The following LAMA1 variants were observed in gnomAD, a reference collection of about 807,000 sequenced individuals.
LAMA1 encodes the protein laminin subunit alpha 1.
LAMA1 carries 219 observed loss-of-function variants against 348.7 expected under a neutral mutation model. That is an observed-to-expected ratio of 0.63 (90% confidence interval 0.56 to 0.70). The LOEUF (loss-of-function observed/expected upper bound fraction) is 0.70. Among genes scored for constraint, LAMA1 ranks in the 30% least tolerant of loss-of-function variants. LAMA1 has a pLI of 0.00. For synonymous variants in LAMA1, 1,487 were observed against 1,491.0 expected (o/e 1.00, Z 0.06); for missense variants, 3,744 against 3,888.0 (o/e 0.96, Z 0.99).
At chr18:7,103,249 C>CA (rs2058298405) in intron 1 of LAMA1, among the ~76,000 whole-genome samples, 1 of 151,770 alleles carries the variant, frequency 6.6e-6, no homozygotes, top group Non-Finnish European at 1.5e-5. Flanking sequence ...ACTAAAAATA[C>CA]AAAAAATTAG....
At chr18:7,072,356 T>C (rs938262053) in intron 3 of LAMA1, among the ~76,000 whole-genome samples, 2 of 152,214 alleles carry the variant, frequency 1.3e-5, no homozygotes, top group Non-Finnish European at 2.9e-5. Context: ...CTCTACATCC[T>C]TCAAGCTATC....
intron 32 of LAMA1, 47 bp downstream of exon 32, chr18:6,999,398 T>C: frequency 6.3e-7 from 1 of 1,593,826 alleles, no homozygotes; most frequent in Admixed American, 1.7e-5. Flanking sequence ...TCCCGACACA[T>C]TTGGGAGGAA....
At chr18:7,038,629 A>T (rs1182505887) in intron 11 of LAMA1, 181 bp downstream of exon 11, 1 of 775,226 alleles carries the variant, frequency 1.3e-6, no homozygotes, top group African/African-American at 1.7e-5. Context: ...GGGAGTAAGC[A>T]CATGACCTAT....
chr18:6,995,116 G>A (rs2057775299), intron 34 of LAMA1, among the ~76,000 whole-genome samples: 1 of 152,198 alleles, frequency 6.6e-6, no homozygotes, highest in Non-Finnish European at 1.5e-5. Flanking sequence ...CCAAGAGACT[G>A]CCCAACTCTG....
intron 57 of LAMA1, chr18:6,953,590 C>T (rs893784602): frequency 9.9e-5 from 15 of 152,276 alleles, no homozygotes; most frequent in Admixed American, 2.0e-4. Context: ...GGCCTGGGTT[C>T]GAATCCCGGC....
At chr18:6,980,400 T>A in intron 42 of LAMA1, 121 bp downstream of exon 42, 1 of 739,068 alleles carries the variant, frequency 1.4e-6, no homozygotes, top group South Asian at 1.5e-5. Flanking sequence ...ATTTTGCCAA[T>A]CTTAGTCTCA....
rs369240094 is a variant in LAMA1, at chr18:6,948,418, C to T, written c.8695G>A (p.Gly2899Arg). 14 of 1,614,104 alleles carry T rather than the reference C, an allele frequency of 8.7e-6. No homozygotes were observed. Among genetic ancestry groups the T allele is most frequent in the African/African-American group, 2.7e-5 (2 of 74,936 alleles). ...TAACACATACCAAGAGCTGCATATC[C>T]GCTTCCGTCAAAGTATGTTCCTTCC... is the stretch of plus-strand genomic sequence containing the variant. The part of the protein sequence containing the change: ...AQEGTYFDGS[G>R]YAALVKEGYK... The change falls in exon 60 of 63, where the codon GGA becomes AGA. Residue 2899 changes from glycine (G) to arginine (R), a missense_variant. Transcript: ENST00000389658.
Position 7,005,325 on chromosome 18 carries a change from T to A in LAMA1, c.4260+1814A>T, listed in dbSNP as rs559771253. Among the ~76,000 whole-genome samples, 12 of 152,336 alleles carry A rather than the reference T, an allele frequency of 7.9e-5. No individual in the cohort carries two copies. The South Asian group carries it at 1.4e-3, about 18-fold the overall frequency. ...CCAACAGATGCATGGTCAGGGGCACTGGCTTAGAAAGAATCAGAGCTGCCC... is the reference window on the plus strand; with the variant it reads ...CCAACAGATGCATGGTCAGGGGCACAGGCTTAGAAAGAATCAGAGCTGCCC... On this transcript the variant is annotated intron_variant, in intron 29 of 62. Coordinates refer to ENST00000389658, the MANE Select transcript of LAMA1 (RefSeq NM_005559.4).
chr18:7,024,663 A>G (rs767424822), intron 17 of LAMA1, among the ~76,000 whole-genome samples, 197 bp from the exon 18 acceptor site: 3 of 152,088 alleles, frequency 2.0e-5, no homozygotes, highest in Non-Finnish European at 4.4e-5. Flanking sequence ...CCCATGATCC[A>G]GGCACTGACA....
intron 3 of LAMA1, among the ~76,000 whole-genome samples, chr18:7,056,902 C>T (rs1345236280): frequency 6.6e-6 from 1 of 150,398 alleles, no homozygotes; most frequent in Admixed American, 6.6e-5. Context: ...GACAGTGTCT[C>T]GCTCTGTCTC....
In LAMA1 at chr18:6,980,527, G is replaced by A; in HGVS notation, c.6001C>T (p.Pro2001Ser). The A allele has an allele frequency of 6.3e-7, 1 of 1,578,372 alleles. No homozygotes were observed. The highest frequency in any genetic ancestry group is 8.7e-7 in the Non-Finnish European group (1 of 1,147,544). The change falls in exon 42 of 63, where the codon CCT becomes TCT. Residue 2001 changes from proline (P) to serine (S), a missense_variant. By Grantham distance (74) the Pro-to-Ser change is moderately conservative (BLOSUM62 -1). This residue lies in a region of LAMA1 where 1,983 missense variants were observed against 1,934.3 expected (regional missense o/e 1.03). Transcript: ENST00000389658. The stretch of plus-strand genomic sequence containing the variant: ...GAAAGTCCTTTCCACTTACCTTTAG[G>A]AATTGCTCTAAGTATCAAGAGTGAT... ...NESLLILRAI[P>S]KGIRDKGAKT...
At chr18:7,058,218 T>G (rs2058090150) in intron 3 of LAMA1, among the ~76,000 whole-genome samples, 1 of 152,200 alleles carries the variant, frequency 6.6e-6, no homozygotes, top group African/African-American at 2.4e-5. Flanking sequence ...ACAGCCGTAG[T>G]GAAAAACTTC....
chr18:6,950,758 A>AC, intron 58 of LAMA1, 24 bp downstream of exon 58: 1 of 1,613,216 alleles, frequency 6.2e-7, no homozygotes, highest in South Asian at 1.1e-5. Context: ...AGAAGCAGCC[A>AC]CCACAAGCCT....
intron 37 of LAMA1, 77 bp downstream of exon 37, chr18:6,986,060 G>A (rs2144059467): frequency 3.3e-6 from 5 of 1,533,460 alleles, no homozygotes; most frequent in Non-Finnish European, 4.5e-6. Context: ...GCCAGGCCAG[G>A]GCTCACTTTT....
Position 7,069,503 on chromosome 18 carries a change from G to T in LAMA1, c.345+10472C>A, listed in dbSNP as rs548831159. On this transcript the variant is annotated intron_variant, in intron 3 of 62. Transcript: ENST00000389658. ...CTCCTCCGGTTGACGGGTGAGGCTGGTCTATCTTTCCCAAGTTGAATCTCT... is the reference window on the plus strand; with the variant it reads ...CTCCTCCGGTTGACGGGTGAGGCTGTTCTATCTTTCCCAAGTTGAATCTCT... 7.0e-4 allele frequency among the ~76,000 whole-genome samples: 107 copies of T among 152,264 alleles called. 1 individual carries two copies. Among genetic ancestry groups the T allele is most frequent in the African/African-American group, 2.4e-3 (101 of 41,552 alleles).
intron 3 of LAMA1, among the ~76,000 whole-genome samples, chr18:7,078,997 A>C (rs58477900): frequency 0.023 from 3,441 of 152,184 alleles, 142 homozygotes; most frequent in African/African-American, 0.076. Flanking sequence ...AAAAATAAAA[A>C]ATAAAAATAA....
rs1322287845 is a variant in LAMA1 at position 6,991,430 on chromosome 18, G to A, written c.5168+1131C>T. Among the ~76,000 whole-genome samples, 62 of 125,978 alleles carry A rather than the reference G, an allele frequency of 4.9e-4. 1 individual carries two copies. Among genetic ancestry groups the A allele is most frequent in the Admixed American group, 3.1e-3 (31 of 9,954 alleles). The allele number at this position is 125,978 out of a possible 152,430, so 82.6% of individuals were successfully genotyped here. ...TTTTGAGACGGAGTCTTGCTCTGTC[G>A]CCCAGGCTGGAGTGCAGTGGCATGA... is the stretch of plus-strand genomic sequence containing the variant. On this transcript the variant is annotated intron_variant, in intron 36 of 62. Transcript: ENST00000389658.
chr18:7,071,966 A>G (rs1020800461), intron 3 of LAMA1, among the ~76,000 whole-genome samples: 2 of 152,244 alleles, frequency 1.3e-5, no homozygotes, highest in Admixed American at 6.5e-5. Flanking sequence ...TTGTTGTAGC[A>G]TTATTAAATG....
chr18:7,106,168 A>G (rs944851609), intron 1 of LAMA1, among the ~76,000 whole-genome samples: 1 of 152,202 alleles, frequency 6.6e-6, no homozygotes, highest in Non-Finnish European at 1.5e-5. Context: ...TCTGTTATGT[A>G]CAGAGCACTA....
Sources: allele counts gnomAD v4.1 joint callset (sites outside exome capture counted in the v4.1 genomes callset), GRCh38; gene constraint gnomAD v4.1.1; regional missense constraint gnomAD v4.1.1; transcripts MANE v1.5; gene names NCBI Gene and HGNC (gene_info 2026-07-23, HGNC 2026-07-21).